Variants in ATP13A5 observed in about 807,000 individuals in gnomAD.
ATP13A5 encodes probable cation-transporting ATPase 13A5.
A neutral mutation model predicts 150.2 loss-of-function variants in ATP13A5; 149 were observed. That is an observed-to-expected ratio of 0.99 (90% CI 0.87 to 1.14). ATP13A5 has a LOEUF of 1.14. Among genes scored for constraint, ATP13A5 ranks in the 50% most tolerant of loss-of-function variants. The pLI is 0.00. For missense variants in ATP13A5, 1,383 were observed against 1,449.3 expected (o/e 0.95, Z 0.74); for synonymous variants, 497 against 522.2 (o/e 0.95, Z 0.66).
chr3:193,319,200 A>G (rs1719169041), intron 16 of ATP13A5, 92 bp from the exon 17 acceptor site: 1 of 892,814 alleles, frequency 1.1e-6, no homozygotes, highest in African/African-American at 1.7e-5. Flanking sequence ...CCTTGTCTTA[A>G]CTTTCATTCC....
chr3:193,353,566 T>C (rs1395449393), intron 6 of ATP13A5, among the ~76,000 whole-genome samples: 1 of 152,126 alleles, frequency 6.6e-6, no homozygotes, highest in Non-Finnish European at 1.5e-5. Context: ...TGATGGTATT[T>C]GGAGATGGGT....
At chr3:193,288,976 A>G (rs779703999) in intron 26 of ATP13A5, among the ~76,000 whole-genome samples, 2 of 152,036 alleles carry the variant, frequency 1.3e-5, no homozygotes, top group African/African-American at 4.8e-5. Flanking sequence ...GAGTATATGC[A>G]CTCCAATTTT....
chr3:193,355,223 C>A (rs1021130746), intron 5 of ATP13A5, among the ~76,000 whole-genome samples: 1 of 152,152 alleles, frequency 6.6e-6, no homozygotes, highest in East Asian at 1.9e-4. Flanking sequence ...TGAGCCAGCA[C>A]GCCCGGCCTA....
rs79423072 is a variant in ATP13A5, at chr3:193,343,952, G to C, written c.918C>G (p.Cys306Trp). 4,807 of 1,613,102 alleles carry C rather than the reference G, an allele frequency of 3.0e-3. 142 individuals are homozygous for C. In the African/African-American group the frequency reaches 0.058, roughly 20 times the overall value. ...CTGTAAGCATGCCTTCATTCACCAC[G>C]CAGCTTCCATCAATCAAAACAGCAT... ...PCDAVLIDGS[C>W]VVNEGMLTGE... The change falls in exon 9 of 30, where the codon TGC (cysteine) becomes TGG (tryptophan). Residue 306 changes from cysteine to tryptophan, a missense_variant. Physicochemically the swap from Cys to Trp is radical, Grantham distance 215 (BLOSUM62 -2). Coordinates refer to ENST00000342358, the MANE Select transcript of ATP13A5 (RefSeq NM_198505.4).
In ATP13A5 at chr3:193,362,430, T is replaced by A; in HGVS notation, c.487A>T (p.Ile163Phe). The change falls in exon 5 of 30, where the codon ATC becomes TTC. Residue 163 changes from isoleucine to phenylalanine, a missense_variant. Around this residue, in one of 3 missense-constraint regions of ATP13A5, gnomAD observed 787 missense variants for 771.9 expected, o/e 1.02. Transcript: ENST00000342358. ...AGACCCAATCCAAATGTCTGATGGA[T>A]GTCAGAGCAGGAATTGCTGTCTTCT... ...LLEDSNSCSD[I>F]HQTFGLGLTS... The A allele has an allele frequency of 1.9e-6, 3 of 1,614,140 alleles. No homozygotes were observed. Among genetic ancestry groups the A allele is most frequent in the Non-Finnish European group, 2.5e-6 (3 of 1,179,976 alleles).
rs1297601037 is a variant in ATP13A5, at chr3:193,363,455, C to A, written c.238-73G>T. 2.9e-6 allele frequency: 4 copies of A among 1,382,124 alleles called. No homozygotes were observed. In the African/African-American group the frequency reaches 5.8e-5, roughly 20 times the overall value. 85.6% of individuals were successfully genotyped at this position (1,382,124 alleles called of 1,614,324 possible). On this transcript the variant is annotated intron_variant, in intron 2 of 29. Transcript: ENST00000342358. ...AGGTGCTCAATCAACCAAATACCTACCAAGTGGTACAAAACTTTGACCCAA... is the reference window on the plus strand; with the variant it reads ...AGGTGCTCAATCAACCAAATACCTAACAAGTGGTACAAAACTTTGACCCAA...
chr3:193,355,185 GC>G (rs1712735908), intron 5 of ATP13A5, among the ~76,000 whole-genome samples: 1 of 152,014 alleles, frequency 6.6e-6, no homozygotes, highest in Admixed American at 6.6e-5. Flanking sequence ...ACCCGCCTCA[GC>G]CTCCCAAAGT....
chr3:193,279,451 A>C lies in ATP13A5; in HGVS notation c.3230T>G (p.Ile1077Arg), dbSNP rs751000415. 4 of 1,611,810 alleles carry C rather than the reference A, an allele frequency of 2.5e-6. No individual in the cohort carries two copies. Among genetic ancestry groups the C allele is most frequent in the Non-Finnish European group, 3.4e-6 (4 of 1,178,022 alleles). Residue 1077 changes from isoleucine (I) to arginine (R), a missense_variant, in exon 28 of 30, where the codon ATA (isoleucine) becomes AGA (arginine). Physicochemically the swap from Ile to Arg is moderately conservative, Grantham distance 97. Coordinates refer to ENST00000342358, the MANE Select transcript of ATP13A5 (RefSeq NM_198505.4). ...PFRKPIYTNY[I>R]FSFLLLAALG... is the part of the protein sequence containing the mutation. Reference sequence around the variant, plus strand: ...GGCAGCTAGCAGCAGAAATGAAAATATATCTGAGGAAATACCAAACATTAT... The same window carrying C: ...GGCAGCTAGCAGCAGAAATGAAAATCTATCTGAGGAAATACCAAACATTAT...
At chr3:193,333,719 A>G (rs1031498731) in intron 11 of ATP13A5, 31 bp downstream of exon 11, 25 of 1,598,030 alleles carry the variant, frequency 1.6e-5, no homozygotes, top group Non-Finnish European at 2.1e-5. Context: ...CAGAATCTAT[A>G]CTATTGAAAA....
At chr3:193,338,259 C>T (rs1223636751) in intron 9 of ATP13A5, among the ~76,000 whole-genome samples, 15 of 152,156 alleles carry the variant, frequency 9.9e-5, no homozygotes, top group Non-Finnish European at 1.8e-4. Context: ...GCCAGAACTT[C>T]CAACACTATG....
chr3:193,365,944 G>A (rs995863366), intron 1 of ATP13A5, among the ~76,000 whole-genome samples: 1 of 152,066 alleles, frequency 6.6e-6, no homozygotes, highest in African/African-American at 2.4e-5. Flanking sequence ...GTGGCAAATT[G>A]TATCAAGAAT....
intron 5 of ATP13A5, among the ~76,000 whole-genome samples, chr3:193,358,561 CACTT>C (rs1712880911): frequency 1.3e-5 from 2 of 152,302 alleles, no homozygotes; most frequent in Admixed American, 6.5e-5. Flanking sequence ...TTTAATGAAA[CACTT>C]ACACAGAGAA....
chr3:193,314,499 G>C (rs1351564902), intron 18 of ATP13A5: 1 of 333,326 alleles, frequency 3.0e-6, no homozygotes, highest in Non-Finnish European at 5.5e-6. Context: ...GGAGAATATA[G>C]CATGATCTCA....
chr3:193,324,864 C>A lies in ATP13A5; in HGVS notation c.1674G>T (p.Trp558Cys). Residue 558 changes from tryptophan (W) to cysteine (C), a missense_variant and splice_region_variant, in exon 14 of 30, where the codon TGG becomes TGT. Physicochemically the swap from Trp to Cys is radical, Grantham distance 215 (BLOSUM62 -2). This residue lies in a region of ATP13A5 where 787 missense variants were observed against 771.9 expected (regional missense o/e 1.02). Coordinates refer to ENST00000342358, the MANE Select transcript of ATP13A5 (RefSeq NM_198505.4). ...TCTTTCCATTAAACTATCACCTTAC[C>A]CAGGCAGTGCCCTCAAACATTTTGA... ...LDLKMFEGTAWKMEDCIVDSC... is the reference protein window; with the variant it reads ...LDLKMFEGTACKMEDCIVDSC... 6.2e-7 allele frequency: 1 copy of A among 1,613,424 alleles called. No homozygotes were observed. The highest frequency in any genetic ancestry group is 1.3e-5 in the African/African-American group (1 of 75,004).
intron 19 of ATP13A5, among the ~76,000 whole-genome samples, chr3:193,312,186 T>C (rs1235761840): frequency 3.9e-5 from 6 of 152,342 alleles, no homozygotes; most frequent in African/African-American, 7.2e-5. Context: ...GGAGATAATA[T>C]GTATGATGTC....
intron 1 of ATP13A5, among the ~76,000 whole-genome samples, chr3:193,370,662 C>T (rs1713408695): frequency 6.6e-6 from 1 of 152,114 alleles, no homozygotes; most frequent in African/African-American, 2.4e-5. Context: ...TATCTTGAAT[C>T]CCTTTTACTT....
chr3:193,333,172 A>AACACAC (rs57775933), intron 11 of ATP13A5, among the ~76,000 whole-genome samples: 2 of 143,190 alleles, frequency 1.4e-5, no homozygotes, highest in African/African-American at 2.5e-5. Flanking sequence ...CACACACACA[A>AACACAC]ACACACACAC....
intron 1 of ATP13A5, among the ~76,000 whole-genome samples, chr3:193,377,394 G>A (rs987805712): frequency 6.6e-6 from 1 of 152,150 alleles, no homozygotes; most frequent in African/African-American, 2.4e-5. Flanking sequence ...AGAAGCAGGT[G>A]AAATTTTTAC....
Position 193,309,453 on chromosome 3 carries a change from C to G in ATP13A5, c.2525+1185G>C, listed in dbSNP as rs188700771. Among the ~76,000 whole-genome samples, 284 of 152,286 alleles carry G rather than the reference C, an allele frequency of 1.9e-3. 4 individuals carry two copies. Among genetic ancestry groups the G allele is most frequent in the Admixed American group, 0.016 (248 of 15,288 alleles). On this transcript the variant is annotated intron_variant, in intron 21 of 29. Coordinates refer to ENST00000342358, the MANE Select transcript of ATP13A5 (RefSeq NM_198505.4). The stretch of plus-strand genomic sequence containing the variant: ...CCTTATGGCCCACAGAACAAATGCT[C>G]TCTGGAATAGGTAACTTCTAAATGG...
Sources: gnomAD v4.1 joint callset for allele counts (sites outside exome capture counted in the v4.1 genomes callset) on GRCh38, gnomAD v4.1.1 for gene constraint, gnomAD v4.1.1 regional missense constraint, MANE v1.5 for transcripts, NCBI Gene and HGNC (gene_info 2026-07-23, HGNC 2026-07-21) for gene names.